The following BTBD8 variants were observed in gnomAD, a reference collection of about 807,000 sequenced individuals.
BTBD8 encodes the protein BTB domain containing 8.
BTBD8 carries 110 observed loss-of-function variants against 162.9 expected under a neutral mutation model. That is an observed-to-expected ratio of 0.68 (90% CI 0.58 to 0.79). The LOEUF is 0.79. Ranked by LOEUF, BTBD8 falls within the 30% of genes least tolerant of loss-of-function variation. The pLI, the probability that BTBD8 is intolerant of heterozygous loss-of-function variation, is 0.00. For missense variants in BTBD8, 1,905 were observed against 2,085.4 expected (o/e 0.91, Z 1.68); for synonymous variants, 667 against 716.1 (o/e 0.93, Z 1.10).
chr1:92,114,075 G>C (rs1168272057), intron 4 of BTBD8, among the ~76,000 whole-genome samples: 1 of 150,380 alleles, frequency 6.6e-6, no homozygotes, highest in African/African-American at 2.5e-5. Flanking sequence ...TATAAATCAT[G>C]ACATGCTATG....
chr1:92,107,615 A>C (rs1457070293), intron 3 of BTBD8, among the ~76,000 whole-genome samples: 1 of 152,222 alleles, frequency 6.6e-6, no homozygotes, highest in Admixed American at 6.5e-5. Flanking sequence ...TCAGGTAACA[A>C]CATATTTCTC....
At chr1:92,085,617 C>A (rs1007399742) in intron 1 of BTBD8, among the ~76,000 whole-genome samples, 1 of 151,934 alleles carries the variant, frequency 6.6e-6, no homozygotes, top group African/African-American at 2.4e-5. Flanking sequence ...GTACTCCCAG[C>A]TACTCAGGAG....
At position 92,180,976 on chromosome 1, in the gene BTBD8, A is replaced by G. The variant is rs543956789; in HGVS notation, c.3293A>G (p.Asn1098Ser). 1.6e-4 allele frequency: 243 copies of G among 1,551,776 alleles called. No homozygotes were observed. The African/African-American group carries it at 2.6e-3, about 16-fold the overall frequency. The change falls in exon 17 of 18, where the codon AAT (asparagine) becomes AGT (serine). Residue 1098 changes from asparagine (N) to serine (S), a missense_variant. Asn to Ser is a conservative substitution (Grantham distance 46). Transcript: ENST00000636805. ...CTAAAATACATGGTTTCAAATCCAA[A>G]TGAAAACTCCTTGAACTCTAATCCA... ...TALKYMVSNP[N>S]ENSLNSNPVC... is the part of the protein sequence containing the mutation.
At chr1:92,141,033 C>T in intron 6 of BTBD8, 82 bp from the exon 7 acceptor site, 1 of 1,258,200 alleles carries the variant, frequency 7.9e-7, no homozygotes, top group South Asian at 1.9e-5. Flanking sequence ...TAAAAACAGA[C>T]TATATATTAT....
intron 7 of BTBD8, among the ~76,000 whole-genome samples, chr1:92,142,375 T>G (rs1649797991): frequency 6.6e-6 from 1 of 152,214 alleles, no homozygotes; most frequent in African/African-American, 2.4e-5. Context: ...ATCCCCTAGA[T>G]GAACATTAAC....
chr1:92,154,480 A>C (rs1650114699), intron 9 of BTBD8, among the ~76,000 whole-genome samples: 1 of 152,144 alleles, frequency 6.6e-6, no homozygotes, highest in Non-Finnish European at 1.5e-5. Flanking sequence ...AGCCATCCAA[A>C]CAGATGTGCG....
chr1:92,100,476 T>G (rs1268238189), intron 2 of BTBD8, among the ~76,000 whole-genome samples: 1 of 152,176 alleles, frequency 6.6e-6, no homozygotes, highest in Non-Finnish European at 1.5e-5. Flanking sequence ...AGATTTTGAT[T>G]ACTAATTCAA....
intron 6 of BTBD8, among the ~76,000 whole-genome samples, chr1:92,140,108 CAAAA>C (rs66840540): frequency 2.7e-5 from 3 of 109,382 alleles, no homozygotes; most frequent in African/African-American, 3.5e-5. Flanking sequence ...GACTCTGTCT[CAAAA>C]AAAAAAAAAA....
chr1:92,173,324 C>A (rs1650611631), intron 13 of BTBD8, among the ~76,000 whole-genome samples: 1 of 152,182 alleles, frequency 6.6e-6, no homozygotes, highest in Non-Finnish European at 1.5e-5. Flanking sequence ...AAATTTTCCC[C>A]AATGTTATAG....
At chr1:92,160,102 A>G (rs1039148048) in intron 9 of BTBD8, among the ~76,000 whole-genome samples, 6 of 151,594 alleles carry the variant, frequency 4.0e-5, no homozygotes, top group East Asian at 1.9e-4. Flanking sequence ...AGTAATTTCA[A>G]TGACCTTTGA....
Position 92,177,050 on chromosome 1 carries a change from T to G in BTBD8, c.1857T>G (p.Ile619Met), listed in dbSNP as rs950234788. 3 of 1,550,646 alleles carry G rather than the reference T, an allele frequency of 1.9e-6. No individual in the cohort carries two copies. The African/African-American group carries it at 4.1e-5, about 21-fold the overall frequency. The change falls in exon 14 of 18, where the codon ATT becomes ATG. Residue 619 changes from isoleucine (I) to methionine (M), a missense_variant. By Grantham distance (10) the Ile-to-Met change is conservative. Around this residue, in one of 3 missense-constraint regions of BTBD8, gnomAD observed 1,374 missense variants for 1,442.7 expected, o/e 0.95. Transcript: ENST00000636805. ...ATGGTACAAAAATAGCATCTAAGAT[T>G]ACAAAAGAACTAAAAACTGGGGGAA... ...EKDGTKIASK[I>M]TKELKTGGKN...
intron 7 of BTBD8, among the ~76,000 whole-genome samples, chr1:92,144,958 TTTG>T (rs931567655): frequency 7.9e-5 from 12 of 152,120 alleles, no homozygotes; most frequent in African/African-American, 1.7e-4. Flanking sequence ...CAATTTCTTT[TTTG>T]TTGTTGTTTT....
intron 2 of BTBD8, among the ~76,000 whole-genome samples, chr1:92,096,708 T>C (rs1028304710): frequency 6.6e-6 from 1 of 152,072 alleles, no homozygotes; most frequent in Non-Finnish European, 1.5e-5. Context: ...TGGCTAATTT[T>C]TCTATTTTTT....
intron 16 of BTBD8, 97 bp from the exon 17 acceptor site, chr1:92,180,163 GATTTT>G: frequency 1.2e-6 from 1 of 834,000 alleles, no homozygotes; most frequent in Non-Finnish European, 1.8e-6. Flanking sequence ...TTGTGTTCTT[GATTTT>G]ATTTTTTCTG....
At chr1:92,111,933 A>G (rs1648907663) in intron 4 of BTBD8, among the ~76,000 whole-genome samples, 1 of 152,196 alleles carries the variant, frequency 6.6e-6, no homozygotes, top group Non-Finnish European at 1.5e-5. Context: ...CTGCAAGTCT[A>G]AAGTGCCTTT....
rs754112187 is a variant in BTBD8 at position 92,080,570 on chromosome 1, A to T, written c.-2A>T. The T allele has an allele frequency of 3.1e-5, 50 of 1,613,672 alleles. No homozygotes were observed. Among genetic ancestry groups the T allele is most frequent in the Non-Finnish European group, 4.2e-5 (50 of 1,179,850 alleles). On this transcript the variant is annotated 5_prime_UTR_variant, in exon 1 of 18. Transcript: ENST00000636805. ...CTCCAGGGCGTCGTACCTCTGTGAGACATGGCTCGCTGTGGGGAAGGCAGT... is the reference window on the plus strand; with the variant it reads ...CTCCAGGGCGTCGTACCTCTGTGAGTCATGGCTCGCTGTGGGGAAGGCAGT...
Position 92,177,924 on chromosome 1 carries a change from C to G in BTBD8, c.2441+26C>G, listed in dbSNP as rs1314728121. ...GTAGGTCTTCATTCAGTGTTTTAAC[C>G]TATCTGTTAGCTTTCTCTCAAAGTT... On this transcript the variant is annotated intron_variant, in intron 15 of 17. Coordinates refer to ENST00000636805, the MANE Select transcript of BTBD8 (RefSeq NM_001376131.1). 5 of 1,191,212 alleles carry G rather than the reference C, an allele frequency of 4.2e-6. No homozygotes were observed. The South Asian group carries it at 7.1e-5, about 17-fold the overall frequency. 73.8% of individuals were successfully genotyped at this position (1,191,212 alleles called of 1,614,324 possible).
intron 9 of BTBD8, among the ~76,000 whole-genome samples, chr1:92,160,236 A>G (rs1335435408): frequency 1.3e-5 from 2 of 150,756 alleles, no homozygotes; most frequent in African/African-American, 2.4e-5. Flanking sequence ...AATATTGTCT[A>G]CCTCTTTGAT....
intron 17 of BTBD8, among the ~76,000 whole-genome samples, chr1:92,183,335 C>G (rs972543885): frequency 1.3e-5 from 2 of 152,094 alleles, no homozygotes; most frequent in African/African-American, 4.8e-5. Context: ...AAATACTGAT[C>G]AGTAGTTTCC....
Sources: gnomAD v4.1 joint callset for allele counts (sites outside exome capture counted in the v4.1 genomes callset) on GRCh38, gnomAD v4.1.1 for gene constraint, gnomAD v4.1.1 regional missense constraint, MANE v1.5 for transcripts, NCBI Gene and HGNC (gene_info 2026-07-23, HGNC 2026-07-21) for gene names.